The following PRR33 variants were observed in gnomAD, a reference collection of about 807,000 sequenced individuals.
The protein encoded by PRR33 is proline-rich protein 33.
A neutral mutation model predicts 0.5 loss-of-function variants in PRR33; 1 was observed. That is an observed-to-expected ratio of 2.18 (90% CI 0.77 to 10.34). The LOEUF (loss-of-function observed/expected upper bound fraction) is 10.34. Ranked by LOEUF, PRR33 falls within the 30% of genes most tolerant of loss-of-function variation. The pLI is 0.13. For synonymous variants in PRR33, 226 were observed against 110.0 expected, an observed-to-expected ratio of 2.06 and a Z score of -6.60; for missense variants, 552 against 251.8, an observed-to-expected ratio of 2.19 and a Z score of -8.07.
chr11:1,905,808 A>C, the PRR33 span, among the ~76,000 whole-genome samples: 1 of 151,428 alleles, frequency 6.6e-6, no homozygotes, highest in African/African-American at 2.4e-5. Flanking sequence ...TTTTTTATCA[A>C]TCAGACAACC....
the PRR33 span, among the ~76,000 whole-genome samples, chr11:1,913,219 C>A: frequency 1.3e-5 from 2 of 152,076 alleles, no homozygotes; most frequent in African/African-American, 2.4e-5. Flanking sequence ...ACCTGCCTCC[C>A]AGCTTCGCGC....
chr11:1,909,541 T>C, the PRR33 span, among the ~76,000 whole-genome samples: 1 of 151,512 alleles, frequency 6.6e-6, no homozygotes. Context: ...AACCCAGGAG[T>C]CGGAGGTTGC....
chr11:1,889,236 G>T, exon 1 of PRR33: 2 of 674,098 alleles, frequency 3.0e-6, no homozygotes, highest in South Asian at 1.6e-5. Context: ...AGGGGGCCGG[G>T]TGGCCTCCTG....
At chr11:1,893,834 T>A (rs1589839843), upstream of PRR33, among the ~76,000 whole-genome samples, 1 of 145,746 alleles carries the variant, frequency 6.9e-6, no homozygotes, top group East Asian at 2.1e-4. Context: ...TGTGGATGGG[T>A]AGATGAAAGG....
chr11:1,903,926 GAC>G, the PRR33 span, among the ~76,000 whole-genome samples: 2 of 152,182 alleles, frequency 1.3e-5, no homozygotes, highest in Non-Finnish European at 2.9e-5. Context: ...ACCCAGTCAA[GAC>G]ACACAAGGCC....
the PRR33 span, among the ~76,000 whole-genome samples, chr11:1,898,779 G>A: frequency 2.6e-5 from 4 of 152,180 alleles, no homozygotes; most frequent in South Asian, 8.3e-4. Flanking sequence ...GCCGAGGTGG[G>A]CACTTGAGGT....
At chr11:1,914,524 G>A in the PRR33 span, among the ~76,000 whole-genome samples, 4 of 147,206 alleles carry the variant, frequency 2.7e-5, no homozygotes, top group South Asian at 8.7e-4. Flanking sequence ...CAGGGATGAT[G>A]TTGCTCTGTG....
the PRR33 span, among the ~76,000 whole-genome samples, chr11:1,898,150 A>G: frequency 6.6e-6 from 1 of 152,124 alleles, no homozygotes; most frequent in African/African-American, 2.4e-5. Flanking sequence ...CTATCATCCC[A>G]CACACCTTTA....
chr11:1,904,964 T>A, the PRR33 span, among the ~76,000 whole-genome samples: 3 of 152,074 alleles, frequency 2.0e-5, no homozygotes, highest in Admixed American at 2.0e-4. Flanking sequence ...AAGAACCAAG[T>A]TTTGGTTTTC....
chr11:1,902,116 C>T, the PRR33 span, among the ~76,000 whole-genome samples: 3,767 of 151,994 alleles, frequency 0.025, 66 homozygotes, highest in African/African-American at 0.03. Flanking sequence ...CCTGTAGTCC[C>T]AGCTACTCGG....
the PRR33 span, among the ~76,000 whole-genome samples, chr11:1,912,706 G>C: frequency 2.0e-4 from 31 of 152,152 alleles, no homozygotes; most frequent in Admixed American, 1.1e-3. Context: ...CTGGGCTCAA[G>C]TGATGCTGTC....
At chr11:1,895,044 C>A (rs554001534), upstream of PRR33, among the ~76,000 whole-genome samples, 1 of 152,328 alleles carries the variant, frequency 6.6e-6, no homozygotes, top group Admixed American at 6.5e-5. Flanking sequence ...ACTGATACAT[C>A]TTGCTGGGGG....
At chr11:1,888,481 T>C (rs1409780766) in exon 1 of PRR33, 2 of 151,478 alleles carry the variant, frequency 1.3e-5, no homozygotes, top group Non-Finnish European at 2.9e-5. Flanking sequence ...TCAGCCCAGG[T>C]AGGGGAAGCA....
At chr11:1,913,937 C>T in the PRR33 span, among the ~76,000 whole-genome samples, 15 of 152,236 alleles carry the variant, frequency 9.9e-5, no homozygotes, top group African/African-American at 3.6e-4. Flanking sequence ...GGGGACGGAG[C>T]CCCTGTCCAT....
rs138562835 is a variant in PRR33 at position 1,890,343 on chromosome 11, G to A, written c.242C>T (p.Pro81Leu). Reference sequence around the variant, plus strand: ...GGGGTGCGGGCCCTCAGCAGCGTGCGGGGCTGTGACCTCCTGGTCATGGCT... The same window carrying A: ...GGGGTGCGGGCCCTCAGCAGCGTGCAGGGCTGTGACCTCCTGGTCATGGCT... The change falls in exon 1 of 1, where the codon CCG becomes CTG. Residue 81 changes from proline to leucine, a missense_variant. Physicochemically the swap from Pro to Leu is moderately conservative, Grantham distance 98 (BLOSUM62 -3). Coordinates refer to ENST00000640310, the Ensembl canonical transcript of PRR33. 6.2e-3 allele frequency: 4,401 copies of A among 715,408 alleles called. 17 individuals carry two copies. The highest frequency in any genetic ancestry group is 9.2e-3 in the Non-Finnish European group (3,526 of 384,546). The allele number at this position is 715,408 out of a possible 1,614,324, so 44.3% of individuals were successfully genotyped here. A position where few individuals can be genotyped will look rare whatever the true frequency, so the allele number is the denominator to read the frequency against.
At chr11:1,913,837 G>T in the PRR33 span, among the ~76,000 whole-genome samples, 1 of 152,232 alleles carries the variant, frequency 6.6e-6, no homozygotes, top group Non-Finnish European at 1.5e-5. Flanking sequence ...CGGTGAGCAC[G>T]AGCTGTGCAC....
the PRR33 span, among the ~76,000 whole-genome samples, chr11:1,916,543 AAGGGCAGCCGAGAGGC>A: frequency 9.1e-4 from 139 of 152,186 alleles, 2 homozygotes; most frequent in South Asian, 1.0e-2. Flanking sequence ...GACGGTGACC[AAGGGCAGCCGAGAGGC>A]AGGCCCAAAG....
upstream of PRR33, among the ~76,000 whole-genome samples, chr11:1,894,691 C>A (rs1399119830): frequency 1.3e-5 from 2 of 152,086 alleles, no homozygotes; most frequent in Admixed American, 1.3e-4. Context: ...ATGGGTACAC[C>A]CCAACCCGCT....
the PRR33 span, among the ~76,000 whole-genome samples, chr11:1,910,919 C>T: frequency 2.1e-4 from 32 of 152,308 alleles, no homozygotes; most frequent in African/African-American, 7.7e-4. Flanking sequence ...CAGTTGCTTG[C>T]CTTTTTTCTA....
Sources: allele counts gnomAD v4.1 joint callset (sites outside exome capture counted in the v4.1 genomes callset), GRCh38; gene constraint gnomAD v4.1.1; transcripts MANE v1.5; gene names NCBI Gene and HGNC (gene_info 2026-07-23, HGNC 2026-07-21).